The following PTPRD variants were observed in gnomAD, a reference collection of about 807,000 sequenced individuals.
PTPRD encodes protein tyrosine phosphatase receptor type D.
A neutral mutation model predicts 214.5 loss-of-function variants in PTPRD; 34 were observed. The ratio of observed to expected loss-of-function variants is 0.16; its 90% confidence interval spans 0.12 to 0.21. The LOEUF is 0.21. Ranked by LOEUF, PTPRD falls within the 10% of genes least tolerant of loss-of-function variation. PTPRD has a pLI of 1.00. For missense variants in PTPRD, 2,545 were observed against 2,398.7 expected, an observed-to-expected ratio of 1.06 and a Z score of -1.27; for synonymous variants, 1,128 against 845.7, an observed-to-expected ratio of 1.33 and a Z score of -5.79.
intron 4 of PTPRD, among the ~76,000 whole-genome samples, chr9:9,952,216 G>A (rs1261447925): frequency 1.3e-5 from 2 of 152,154 alleles, no homozygotes; most frequent in South Asian, 2.1e-4. Context: ...ACTTTGAAGA[G>A]CTCAAACGTG....
chr9:10,460,091 C>A (rs1265723075), intron 2 of PTPRD, among the ~76,000 whole-genome samples: 1 of 151,934 alleles, frequency 6.6e-6, no homozygotes, highest in African/African-American at 2.4e-5. Context: ...TATCTATACA[C>A]AAATAACGAC....
intron 14 of PTPRD, among the ~76,000 whole-genome samples, chr9:8,533,016 G>C (rs1400489302): frequency 1.3e-5 from 2 of 152,058 alleles, no homozygotes; most frequent in Non-Finnish European, 2.9e-5. Context: ...GAGGAAAATA[G>C]TCTGACACTG....
At position 8,975,848 on chromosome 9, in the gene PTPRD, T is replaced by G. The variant is rs559958429; in HGVS notation, c.-104+42849A>C. Among the ~76,000 whole-genome samples the G allele has an allele frequency of 1.7e-3, 265 of 151,812 alleles. 2 individuals are homozygous for G. Among genetic ancestry groups the G allele is most frequent in the African/African-American group, 6.1e-3 (255 of 41,504 alleles). ...CAAAATTGATATTAAATGATAAATT[T>G]TCTCTATGCTAGCTTTCTTACTTAG... On this transcript the variant is annotated intron_variant, in intron 11 of 45. Transcript: ENST00000381196.
chr9:8,625,797 A>G lies in PTPRD; in HGVS notation c.352+7520T>C, dbSNP rs960648142. ...AAAGTTTTTAGATATAAATTAAAAC[A>G]CAGCTCATTTTGGAAGATGACAGAT... is the stretch of plus-strand genomic sequence containing the variant. On this transcript the variant is annotated intron_variant, in intron 14 of 45. Coordinates refer to ENST00000381196, the MANE Select transcript of PTPRD (RefSeq NM_002839.4). Among the ~76,000 whole-genome samples, 5 of 151,708 alleles carry G rather than the reference A, an allele frequency of 3.3e-5. No homozygotes were observed. In the East Asian group the frequency reaches 7.8e-4, roughly 24 times the overall value.
rs112432861 is a variant in PTPRD, at chr9:9,723,969, A to G, written c.-287+10564T>C. Among the ~76,000 whole-genome samples the G allele has an allele frequency of 9.3e-3, 1,410 of 152,156 alleles. 20 individuals are homozygous for G. Among genetic ancestry groups the G allele is most frequent in the African/African-American group, 0.031 (1,291 of 41,534 alleles). ...AATCTAGAGATAGAGATTCTTTCCA[A>G]TGTGGATCCTTTTTATTTCTTTTTC... On this transcript the variant is annotated intron_variant, in intron 7 of 45. Coordinates refer to ENST00000381196, the MANE Select transcript of PTPRD (RefSeq NM_002839.4).
chr9:8,781,702 A>G (rs1340865932), intron 11 of PTPRD, among the ~76,000 whole-genome samples: 1 of 152,230 alleles, frequency 6.6e-6, no homozygotes, highest in African/African-American at 2.4e-5. Context: ...CTGAATCTTA[A>G]TCAGACTGTG....
chr9:9,553,659 A>G (rs1248775468), intron 8 of PTPRD, among the ~76,000 whole-genome samples: 1 of 152,096 alleles, frequency 6.6e-6, no homozygotes, highest in Non-Finnish European at 1.5e-5. Context: ...CTTTACTGAA[A>G]AGTAAATACA....
chr9:10,361,140 A>C (rs1219786863), intron 2 of PTPRD, among the ~76,000 whole-genome samples: 1 of 151,978 alleles, frequency 6.6e-6, no homozygotes, highest in African/African-American at 2.4e-5. Flanking sequence ...TGTCATTAAG[A>C]CCCCTTATTT....
intron 7 of PTPRD, among the ~76,000 whole-genome samples, chr9:9,623,394 T>G (rs1247534721): frequency 6.6e-6 from 1 of 152,156 alleles, no homozygotes; most frequent in Non-Finnish European, 1.5e-5. Context: ...TAAAAACCCC[T>G]CATTAGATGC....
intron 9 of PTPRD, among the ~76,000 whole-genome samples, chr9:9,286,923 T>C (rs1331203570): frequency 4.1e-5 from 3 of 72,804 alleles, no homozygotes; most frequent in South Asian, 9.1e-4. Context: ...TATATATATA[T>C]ATATATATAT....
chr9:9,537,283 T>C lies in PTPRD; in HGVS notation c.-237+37449A>G, dbSNP rs140831351. 3.5e-3 allele frequency among the ~76,000 whole-genome samples: 525 copies of C among 152,118 alleles called. 1 individual carries two copies. Among genetic ancestry groups the C allele is most frequent in the African/African-American group, 0.012 (503 of 41,548 alleles). On this transcript the variant is annotated intron_variant, in intron 8 of 45. Coordinates refer to ENST00000381196, the MANE Select transcript of PTPRD (RefSeq NM_002839.4). The stretch of plus-strand genomic sequence containing the variant: ...AAAAAACGAAGTTTTAACGAACTTC[T>C]GTACAGTCATACATCTTTTAAGTAG...
chr9:10,471,257 G>T (rs2099029285), intron 2 of PTPRD, among the ~76,000 whole-genome samples: 1 of 151,952 alleles, frequency 6.6e-6, no homozygotes, highest in South Asian at 2.1e-4. Context: ...TAATTAACCT[G>T]CACGTTATGC....
chr9:10,288,878 A>C (rs564285641), intron 3 of PTPRD, among the ~76,000 whole-genome samples: 1 of 152,290 alleles, frequency 6.6e-6, no homozygotes, highest in African/African-American at 2.4e-5. Flanking sequence ...ATATAGCATA[A>C]ATTAGAGAGG....
chr9:8,736,097 T>C (rs879552703), intron 11 of PTPRD, among the ~76,000 whole-genome samples: 2 of 152,046 alleles, frequency 1.3e-5, no homozygotes, highest in Admixed American at 6.5e-5. Flanking sequence ...TCAGGGATGA[T>C]TTAGAGAATG....
At chr9:8,475,810 T>C (rs1163331056) in intron 30 of PTPRD, among the ~76,000 whole-genome samples, 3 of 152,138 alleles carry the variant, frequency 2.0e-5, no homozygotes, top group Non-Finnish European at 4.4e-5. Context: ...CTTTTCTCCA[T>C]CTCTACTGCC....
intron 7 of PTPRD, among the ~76,000 whole-genome samples, chr9:9,667,134 C>T (rs2096739148): frequency 6.6e-6 from 1 of 151,960 alleles, no homozygotes; most frequent in South Asian, 2.1e-4. Context: ...CTACCACGTG[C>T]TTTGTTTATT....
rs531258630 is a variant in PTPRD at position 8,618,480 on chromosome 9, T to C, written c.352+14837A>G. 3.3e-5 allele frequency among the ~76,000 whole-genome samples: 5 copies of C among 152,200 alleles called. No individual in the cohort carries two copies. In the Middle Eastern group the frequency reaches 0.014, roughly 414 times the overall value. On this transcript the variant is annotated intron_variant, in intron 14 of 45. Transcript: ENST00000381196. Reference sequence around the variant, plus strand: ...AATGGTGATCAAAGATTCCTGTGAATAATTTTCTTAATGAAAGAGGACTAA... The same window carrying C: ...AATGGTGATCAAAGATTCCTGTGAACAATTTTCTTAATGAAAGAGGACTAA...
chr9:10,281,553 A>C (rs1401159120), intron 3 of PTPRD, among the ~76,000 whole-genome samples: 1 of 152,136 alleles, frequency 6.6e-6, no homozygotes, highest in African/African-American at 2.4e-5. Context: ...AGGCATTTTA[A>C]TTTTTTTACT....
At chr9:8,609,739 C>T (rs1205109833) in intron 14 of PTPRD, among the ~76,000 whole-genome samples, 4 of 152,100 alleles carry the variant, frequency 2.6e-5, no homozygotes, top group African/African-American at 7.2e-5. Flanking sequence ...TACTAAATTA[C>T]CCTGCAATAA....
Sources: gnomAD v4.1 joint callset for allele counts (sites outside exome capture counted in the v4.1 genomes callset) on GRCh38, gnomAD v4.1.1 for gene constraint, MANE v1.5 for transcripts, NCBI Gene and HGNC (gene_info 2026-07-23, HGNC 2026-07-21) for gene names.